Variants in PLPPR3 observed in about 807,000 individuals in gnomAD.
PLPPR3 encodes the protein phospholipid phosphatase related 3.
PLPPR3 carries 14 observed loss-of-function variants against 27.3 expected under a neutral mutation model. That is an observed-to-expected ratio of 0.51 (90% CI 0.34 to 0.80). The LOEUF is 0.80. PLPPR3 is among the 30% of genes least tolerant of loss of function. The pLI is 0.01. For synonymous variants in PLPPR3, 671 were observed against 508.0 expected, an observed-to-expected ratio of 1.32 and a Z score of -4.32; for missense variants, 1,287 against 1,056.9, an observed-to-expected ratio of 1.22 and a Z score of -3.02.
At chr19:823,702 C>T (rs1307265507), upstream of PLPPR3, among the ~76,000 whole-genome samples, 1 of 152,176 alleles carries the variant, frequency 6.6e-6, no homozygotes, top group Non-Finnish European at 1.5e-5. Context: ...CCGGTTCCTG[C>T]AGGGGGGCTC....
At chr19:818,276 C>T (rs1016664215) in intron 2 of PLPPR3, among the ~76,000 whole-genome samples, 2 of 151,830 alleles carry the variant, frequency 1.3e-5, no homozygotes, top group African/African-American at 4.8e-5. Context: ...TCAGCTACTC[C>T]GGAGGCTAAG....
Position 813,277 on chromosome 19 carries a change from G to C in PLPPR3, c.1450C>G (p.Leu484Val), listed in dbSNP as rs2034974521. 1.4e-6 allele frequency: 2 copies of C among 1,475,206 alleles called. No homozygotes were observed. The highest frequency in any genetic ancestry group is 2.8e-5 in the East Asian group (1 of 36,172). The allele number at this position is 1,475,206 out of a possible 1,614,324, so 91.4% of individuals were successfully genotyped here. ...ARPGLGPRVI[L>V]PPRAGPPPLV... ...GGCGGCGGCCCCGCGCGCGGTGGGA[G>C]GATGACCCGAGGCCCCAGCCCCGGC... Residue 484 changes from leucine (L) to valine (V), a missense_variant, in exon 8 of 8, where the codon CTC becomes GTC. Physicochemically the swap from Leu to Val is conservative, Grantham distance 32 (BLOSUM62 1). Transcript: ENST00000520876. The surrounding 1 kb of genome is among the most constrained non-coding windows in gnomAD (Gnocchi z 4.1).
At chr19:821,102 G>C (rs351101) in intron 2 of PLPPR3, among the ~76,000 whole-genome samples, 51,663 of 151,648 alleles carry the variant, frequency 0.34, 10,053 homozygotes, top group African/African-American at 0.54. Flanking sequence ...ACCATTAGCA[G>C]AGGTGAACTC....
Position 813,091 on chromosome 19 carries a change from G to T in PLPPR3, c.1636C>A (p.Pro546Thr), listed in dbSNP as rs1171167811. 6.7e-7 allele frequency: 1 copy of T among 1,500,320 alleles called. No homozygotes were observed. The highest frequency in any genetic ancestry group is 8.8e-7 in the Non-Finnish European group (1 of 1,135,682). The allele number at this position is 1,500,320 out of a possible 1,614,324, so 92.9% of individuals were successfully genotyped here. A position where few individuals can be genotyped will look rare whatever the true frequency, so the allele number is the denominator to read the frequency against. Reference sequence around the variant, plus strand: ...GCCGCCTTGGGGCCCGGCGCGCCCGGAGCCTTGGACATGGCGATGACCTGC... The same window carrying T: ...GCCGCCTTGGGGCCCGGCGCGCCCGTAGCCTTGGACATGGCGATGACCTGC... ...LLQVIAMSKA[P>T]GAPGPKAAET... Residue 546 changes from proline to threonine, a missense_variant, in exon 8 of 8, where the codon CCG becomes ACG. Transcript: ENST00000520876. The surrounding 1 kb of genome is among the most constrained non-coding windows in gnomAD (Gnocchi z 4.1).
chr19:813,792 T>C lies in PLPPR3; in HGVS notation c.935A>G (p.Asp312Gly). Residue 312 changes from aspartate (D) to glycine (G), a missense_variant, in exon 8 of 8, where the codon GAC becomes GGC. Physicochemically the swap from Asp to Gly is moderately conservative, Grantham distance 94 (BLOSUM62 -1). Coordinates refer to ENST00000520876, the MANE Select transcript of PLPPR3 (RefSeq NM_001270366.2). The surrounding 1 kb of genome is among the most constrained non-coding windows in gnomAD (Gnocchi z 4.1). ...CGACTTATTCTGCTGATAAACCGAG[T>C]CGTGGCCCCGCTGCGTCAGGGCCCG... is the stretch of plus-strand genomic sequence containing the variant. ...ALRALTQRGH[D>G]SVYQQNKSVS... The C allele has an allele frequency of 6.6e-7, 1 of 1,525,316 alleles. No homozygotes were observed. Among genetic ancestry groups the C allele is most frequent in the South Asian group, 1.2e-5 (1 of 83,078 alleles). 94.5% of individuals were successfully genotyped at this position (1,525,316 alleles called of 1,614,324 possible). A position where few individuals can be genotyped will look rare whatever the true frequency, so the allele number is the denominator to read the frequency against.
At chr19:816,923 TCCAC>T (rs1207219731) in intron 2 of PLPPR3, among the ~76,000 whole-genome samples, 1 of 141,592 alleles carries the variant, frequency 7.1e-6, no homozygotes, top group African/African-American at 2.5e-5. Flanking sequence ...CATCCACCCA[TCCAC>T]CCACCCACCC....
Position 813,747 on chromosome 19 carries a change from C to G in PLPPR3, c.980G>C (p.Gly327Ala). 1 of 1,526,496 alleles carries G rather than the reference C, an allele frequency of 6.6e-7. No individual in the cohort carries two copies. Among genetic ancestry groups the G allele is most frequent in the South Asian group, 1.2e-5 (1 of 83,198 alleles). The allele number at this position is 1,526,496 out of a possible 1,614,324, so 94.6% of individuals were successfully genotyped here. Residue 327 changes from glycine to alanine, a missense_variant, in exon 8 of 8, where the codon GGG becomes GCG. Coordinates refer to ENST00000520876, the MANE Select transcript of PLPPR3 (RefSeq NM_001270366.2). The surrounding 1 kb of genome is among the most constrained non-coding windows in gnomAD (Gnocchi z 4.1). ...CGCGCCCTCCAGCCGCCCTGGGGGC[C>G]CCAGCTCGTCGGTGCTCACCGACTT... is the stretch of plus-strand genomic sequence containing the variant. ...QNKSVSTDEL[G>A]PPGRLEGAPR...
At chr19:821,803 G>C (rs1289027684) in intron 1 of PLPPR3, 112 bp downstream of exon 1, 1 of 359,608 alleles carries the variant, frequency 2.8e-6, no homozygotes, top group Non-Finnish European at 5.0e-6. Flanking sequence ...GAGGGCGGGG[G>C]GTCTCCGGGC....
rs2034967027 is a variant in PLPPR3, at chr19:813,124, G to A, written c.1603C>T (p.Arg535Trp). The A allele has an allele frequency of 1.3e-6, 2 of 1,507,484 alleles. No individual in the cohort carries two copies. Among genetic ancestry groups the A allele is most frequent in the Non-Finnish European group, 8.8e-7 (1 of 1,139,284 alleles). 93.4% of individuals were successfully genotyped at this position (1,507,484 alleles called of 1,614,324 possible). Reference sequence around the variant, plus strand: ...GACATGGCGATGACCTGCAGCAGCCGCGGAGGGTTGGCCACTGCCGCCCCG... The same window carrying A: ...GACATGGCGATGACCTGCAGCAGCCACGGAGGGTTGGCCACTGCCGCCCCG... ...KSGAAVANPP[R>W]LLQVIAMSKA... Residue 535 changes from arginine to tryptophan, a missense_variant, in exon 8 of 8, where the codon CGG (arginine) becomes TGG (tryptophan). By Grantham distance (101) the Arg-to-Trp change is moderately radical (BLOSUM62 -3). Coordinates refer to ENST00000520876, the MANE Select transcript of PLPPR3 (RefSeq NM_001270366.2). The surrounding 1 kb of genome is among the most constrained non-coding windows in gnomAD (Gnocchi z 4.1).
chr19:816,167 C>T (rs2035049306), intron 2 of PLPPR3, among the ~76,000 whole-genome samples: 2 of 151,862 alleles, frequency 1.3e-5, no homozygotes, highest in African/African-American at 4.8e-5. Flanking sequence ...ATCCATCCAC[C>T]CACCCACCCA....
rs968998772 is a variant in PLPPR3, at chr19:815,805, A to T, written c.122T>A (p.Leu41Gln). The T allele has an allele frequency of 6.2e-7, 1 of 1,612,714 alleles. No homozygotes were observed. Among genetic ancestry groups the T allele is most frequent in the African/African-American group, 1.3e-5 (1 of 74,926 alleles). The part of the protein sequence containing the change: ...SSIVSLYFLE[L>Q]TDLFKPAKVG... ...CTTGGCCGGCTTGAAGAGGTCGGTCAGCTCCAGGAAGTACAAGGATACGAT... is the reference window on the plus strand; with the variant it reads ...CTTGGCCGGCTTGAAGAGGTCGGTCTGCTCCAGGAAGTACAAGGATACGAT... The change falls in exon 3 of 8, where the codon CTG becomes CAG. Residue 41 changes from leucine (L) to glutamine (Q), a missense_variant. Leu to Gln is a moderately radical substitution (Grantham distance 113). Coordinates refer to ENST00000520876, the MANE Select transcript of PLPPR3 (RefSeq NM_001270366.2).
chr19:812,738 C>T lies in PLPPR3; in HGVS notation c.1989G>A (p.Thr663=). 9.4e-7 allele frequency: 1 copy of T among 1,068,176 alleles called. No individual in the cohort carries two copies. Among genetic ancestry groups the T allele is most frequent in the Non-Finnish European group, 1.1e-6 (1 of 882,664 alleles). The allele number at this position is 1,068,176 out of a possible 1,614,324, so 66.2% of individuals were successfully genotyped here. A position where few individuals can be genotyped will look rare whatever the true frequency, so the allele number is the denominator to read the frequency against. ...FGAVATVNLA[T]GEGLPPLGAA... ...CGCCCAGCGGGGGCAGCCCCTCGCC[C>T]GTGGCCAGGTTGACGGTGGCCACGG... The change falls in exon 8 of 8, where the codon ACG becomes ACA. Residue 663 remains threonine (T), a synonymous_variant. Coordinates refer to ENST00000520876, the MANE Select transcript of PLPPR3 (RefSeq NM_001270366.2).
At chr19:817,652 C>T (rs894384911) in intron 2 of PLPPR3, among the ~76,000 whole-genome samples, 12 of 151,952 alleles carry the variant, frequency 7.9e-5, no homozygotes, top group African/African-American at 2.7e-4. Flanking sequence ...GGGGAGGGCA[C>T]AGGTCAGGGC....
Position 813,181 on chromosome 19 carries a change from G to C in PLPPR3, c.1546C>G (p.Arg516Gly), listed in dbSNP as rs778037400. ...TCGGCCATCATGAGCCACTTGGCGC[G>C]CACCCCGGCGCCGCTTTTGGGGGAC... Reference protein sequence around the residue: ...GLSPKSGAGVRAKWLMMAEKS... With the variant: ...GLSPKSGAGVGAKWLMMAEKS... Residue 516 changes from arginine to glycine, a missense_variant, in exon 8 of 8, where the codon CGC (arginine) becomes GGC (glycine). Physicochemically the swap from Arg to Gly is moderately radical, Grantham distance 125. Transcript: ENST00000520876. This position sits in a 1 kb window ranked among gnomAD's most constrained non-coding sequence, Gnocchi z 4.1. 37 of 1,510,178 alleles carry C rather than the reference G, an allele frequency of 2.5e-5. No homozygotes were observed. Among genetic ancestry groups the C allele is most frequent in the Non-Finnish European group, 1.6e-5 (18 of 1,140,584 alleles). 93.5% of individuals were successfully genotyped at this position (1,510,178 alleles called of 1,614,324 possible).
At chr19:817,186 C>CA (rs1282827893) in intron 2 of PLPPR3, among the ~76,000 whole-genome samples, 1 of 152,176 alleles carries the variant, frequency 6.6e-6, no homozygotes, top group East Asian at 1.9e-4. Context: ...TCATGTTGCC[C>CA]AGGCTGGTCT....
chr19:818,677 GCGCC>G, intron 2 of PLPPR3, among the ~76,000 whole-genome samples: 2 of 151,846 alleles, frequency 1.3e-5, no homozygotes, highest in Middle Eastern at 6.8e-3. Flanking sequence ...GGGACTACAG[GCGCC>G]CGCCACCGCG....
Position 813,210 on chromosome 19 carries a change from C to A in PLPPR3, c.1517G>T (p.Gly506Val), listed in dbSNP as rs762583935. 2.0e-6 allele frequency: 3 copies of A among 1,494,344 alleles called. No individual in the cohort carries two copies. The highest frequency in any genetic ancestry group is 2.5e-5 in the South Asian group (2 of 79,074). 92.6% of individuals were successfully genotyped at this position (1,494,344 alleles called of 1,614,324 possible). The change falls in exon 8 of 8, where the codon GGC becomes GTC. Residue 506 changes from glycine to valine, a missense_variant. Transcript: ENST00000520876. The surrounding 1 kb of genome is among the most constrained non-coding windows in gnomAD (Gnocchi z 4.1). ...CCCGGCGCCGCTTTTGGGGGACAGG[C>A]CGGCCCCCGTCTGCGCGCCCTCCTC... The part of the protein sequence containing the change: ...IPEEGAQTGA[G>V]LSPKSGAGVR...
In PLPPR3 at chr19:812,906, C is replaced by T. The variant is rs2034959373; in HGVS notation, c.1821G>A (p.Ala607=). The part of the protein sequence containing the change: ...AGGAPWEWKA[A]GGGAKAEADG... Reference sequence around the variant, plus strand: ...CGGCCTCCGCCTTGGCCCCGCCGCCCGCCGCCTTCCACTCCCAGGGCGCGC... The same window carrying T: ...CGGCCTCCGCCTTGGCCCCGCCGCCTGCCGCCTTCCACTCCCAGGGCGCGC... The change falls in exon 8 of 8, where the codon GCG becomes GCA. Residue 607 remains alanine, a synonymous_variant. Coordinates refer to ENST00000520876, the MANE Select transcript of PLPPR3 (RefSeq NM_001270366.2). 2 of 1,294,348 alleles carry T rather than the reference C, an allele frequency of 1.5e-6. No homozygotes were observed. The highest frequency in any genetic ancestry group is 2.0e-6 in the Non-Finnish European group (2 of 1,016,546). The allele number at this position is 1,294,348 out of a possible 1,614,324, so 80.2% of individuals were successfully genotyped here. A position where few individuals can be genotyped will look rare whatever the true frequency, so the allele number is the denominator to read the frequency against.
intron 2 of PLPPR3, among the ~76,000 whole-genome samples, chr19:817,411 T>G (rs2035078753): frequency 6.6e-6 from 1 of 152,122 alleles, no homozygotes; most frequent in African/African-American, 2.4e-5. Context: ...TAGCTGGAAT[T>G]ACAAGCGTGC....
Sources: allele counts gnomAD v4.1 joint callset (sites outside exome capture counted in the v4.1 genomes callset), GRCh38; gene constraint gnomAD v4.1.1; non-coding constraint Gnocchi (gnomAD v3.1); transcripts MANE v1.5; gene names NCBI Gene and HGNC (gene_info 2026-07-23, HGNC 2026-07-21).